Variants in SPOCK1 observed in about 807,000 individuals in gnomAD.
SPOCK1 encodes the protein testican-1.
Under a neutral mutation model 55.3 loss-of-function variants are expected in SPOCK1, and 23 were observed. The observed-to-expected ratio is 0.42, with a 90% CI of 0.30 to 0.59. The LOEUF is 0.59. SPOCK1 is among the 20% of genes least tolerant of loss of function. The pLI is 0.22. For missense variants in SPOCK1, 499 were observed against 552.5 expected (o/e 0.90, Z 0.97); for synonymous variants, 226 against 221.0 (o/e 1.02, Z -0.20).
At chr5:137,094,957 G>T (rs919104331) in intron 5 of SPOCK1, among the ~76,000 whole-genome samples, 1 of 152,026 alleles carries the variant, frequency 6.6e-6, no homozygotes. Flanking sequence ...TCTTCCTTTC[G>T]CCTGAACACT....
intron 2 of SPOCK1, among the ~76,000 whole-genome samples, chr5:137,359,793 T>C (rs927928990): frequency 1.1e-4 from 16 of 152,166 alleles, no homozygotes; most frequent in African/African-American, 3.6e-4. Flanking sequence ...CTGAACTGGA[T>C]TTTTTTTCCT....
At chr5:137,317,308 T>A (rs560803228) in intron 2 of SPOCK1, among the ~76,000 whole-genome samples, 34 of 152,306 alleles carry the variant, frequency 2.2e-4, no homozygotes, top group African/African-American at 7.5e-4. Flanking sequence ...CTGGAAGCCT[T>A]TTCTTCCTTG....
intron 2 of SPOCK1, among the ~76,000 whole-genome samples, chr5:137,271,542 G>A (rs909111271): frequency 4.7e-5 from 7 of 149,972 alleles, no homozygotes; most frequent in African/African-American, 7.4e-5. Flanking sequence ...TATAATTTGG[G>A]TGATTAAGTC....
chr5:137,368,435 G>C (rs1751123261), intron 2 of SPOCK1, among the ~76,000 whole-genome samples: 1 of 152,168 alleles, frequency 6.6e-6, no homozygotes, highest in African/African-American at 2.4e-5. Flanking sequence ...ACAAGCAAGT[G>C]AGACCTGGAG....
In SPOCK1 at chr5:137,343,113, C is replaced by T. The variant is rs774367072; in HGVS notation, c.187-76058G>A. 1.4e-4 allele frequency among the ~76,000 whole-genome samples: 22 copies of T among 152,192 alleles called. 1 individual carries two copies. Among genetic ancestry groups the T allele is most frequent in the African/African-American group, 3.4e-4 (14 of 41,448 alleles). On this transcript the variant is annotated intron_variant, in intron 2 of 10. Transcript: ENST00000394945. ...CCTTCAATCAAGTGCAAGTACATCC[C>T]GACACTTATCCACTCCCACAGGTGT... is the stretch of plus-strand genomic sequence containing the variant.
chr5:137,471,090 G>A (rs762541765), intron 2 of SPOCK1, among the ~76,000 whole-genome samples: 26 of 152,302 alleles, frequency 1.7e-4, no homozygotes, highest in Non-Finnish European at 2.9e-4. Flanking sequence ...CTCACTAAAC[G>A]TTGGCATTAT....
At chr5:137,308,154 C>T (rs1295995899) in intron 2 of SPOCK1, among the ~76,000 whole-genome samples, 3 of 152,200 alleles carry the variant, frequency 2.0e-5, no homozygotes, top group African/African-American at 4.8e-5. Flanking sequence ...GTATTCCCAA[C>T]TGGACTTCAG....
chr5:137,184,975 T>A (rs532873681), intron 3 of SPOCK1, among the ~76,000 whole-genome samples: 1 of 152,346 alleles, frequency 6.6e-6, no homozygotes, highest in African/African-American at 2.4e-5. Flanking sequence ...CACTGACACC[T>A]GCTGATTCCC....
intron 3 of SPOCK1, among the ~76,000 whole-genome samples, chr5:137,186,699 C>G (rs995180956): frequency 6.6e-6 from 1 of 152,202 alleles, no homozygotes; most frequent in Non-Finnish European, 1.5e-5. Context: ...TCTCTGCACT[C>G]CTTTCAATTA....
chr5:137,408,916 T>G (rs1480730278), intron 2 of SPOCK1, among the ~76,000 whole-genome samples: 2 of 152,224 alleles, frequency 1.3e-5, no homozygotes, highest in Non-Finnish European at 2.9e-5. Flanking sequence ...AACTCCACTT[T>G]CCTCACTGGG....
At chr5:137,061,328 C>T (rs773899731) in intron 6 of SPOCK1, among the ~76,000 whole-genome samples, 10 of 152,310 alleles carry the variant, frequency 6.6e-5, no homozygotes, top group African/African-American at 1.2e-4. Flanking sequence ...CTTTTATCCA[C>T]GTTTCCAGCT....
intron 2 of SPOCK1, among the ~76,000 whole-genome samples, chr5:137,360,549 C>T (rs1750919426): frequency 6.6e-6 from 1 of 152,182 alleles, no homozygotes; most frequent in Non-Finnish European, 1.5e-5. Flanking sequence ...GGAATAAGTC[C>T]AGCATTTCCA....
At chr5:137,357,478 G>T (rs941389513) in intron 2 of SPOCK1, among the ~76,000 whole-genome samples, 2 of 152,162 alleles carry the variant, frequency 1.3e-5, no homozygotes, top group Non-Finnish European at 2.9e-5. Flanking sequence ...AGGTCAGTGG[G>T]AATATAAAGG....
chr5:137,219,151 C>A (rs78917121), intron 3 of SPOCK1, among the ~76,000 whole-genome samples: 1 of 152,300 alleles, frequency 6.6e-6, no homozygotes, highest in Non-Finnish European at 1.5e-5. Flanking sequence ...CTTAATTTGT[C>A]TAGTAGCCTT....
intron 3 of SPOCK1, among the ~76,000 whole-genome samples, chr5:137,245,856 T>C (rs1756385773): frequency 6.6e-6 from 1 of 152,002 alleles, no homozygotes; most frequent in East Asian, 1.9e-4. Flanking sequence ...TGGGAATCAC[T>C]GTATATACTG....
chr5:137,023,367 C>T (rs1435747498), intron 6 of SPOCK1, among the ~76,000 whole-genome samples: 3 of 152,058 alleles, frequency 2.0e-5, no homozygotes, highest in Non-Finnish European at 2.9e-5. Context: ...CAACCAGCTC[C>T]CCAGTAGAGA....
chr5:137,305,437 C>A (rs1433636685), intron 2 of SPOCK1, among the ~76,000 whole-genome samples: 1 of 152,210 alleles, frequency 6.6e-6, no homozygotes, highest in Non-Finnish European at 1.5e-5. Context: ...AAGGTGGTCA[C>A]ATTCATAGAT....
intron 2 of SPOCK1, among the ~76,000 whole-genome samples, chr5:137,304,680 C>G (rs181023703): frequency 1.3e-5 from 2 of 152,244 alleles, no homozygotes; most frequent in East Asian, 3.9e-4. Context: ...AATTGAGGAG[C>G]AAGACCCCCT....
chr5:137,418,492 C>G (rs1158012521), intron 2 of SPOCK1, among the ~76,000 whole-genome samples: 4 of 152,038 alleles, frequency 2.6e-5, no homozygotes, highest in Non-Finnish European at 5.9e-5. Flanking sequence ...TTAATGATCG[C>G]CATTCTAACT....
Sources: allele counts gnomAD v4.1 joint callset (sites outside exome capture counted in the v4.1 genomes callset), GRCh38; gene constraint gnomAD v4.1.1; transcripts MANE v1.5; gene names NCBI Gene and HGNC (gene_info 2026-07-23, HGNC 2026-07-21).